Variants in TPTE2 observed in about 807,000 individuals in gnomAD.
TPTE2 encodes transmembrane phosphoinositide 3-phosphatase and tensin homolog 2, also known as phosphatidylinositol 3,4,5-trisphosphate 3-phosphatase TPTE2.
In TPTE2, 53 loss-of-function variants were observed where a neutral mutation model predicts 78.6. The observed-to-expected ratio is 0.67, with a 90% CI of 0.54 to 0.85. The LOEUF (loss-of-function observed/expected upper bound fraction) is 0.85, where lower values mean the gene tolerates loss of function less well. TPTE2 is among the 40% of genes least tolerant of loss of function. The probability of loss-of-function intolerance (pLI) is 0.00; values close to 1 mark genes in which losing one functional copy is unlikely to be tolerated. For synonymous variants in TPTE2, 175 were observed against 206.2 expected, an observed-to-expected ratio of 0.85 and a Z score of 1.30; for missense variants, 461 against 623.0, an observed-to-expected ratio of 0.74 and a Z score of 2.77.
chr13:19,540,391 ACCTCC>A (rs1871407379), upstream of TPTE2, among the ~76,000 whole-genome samples: 1 of 151,218 alleles, frequency 6.6e-6, no homozygotes, highest in African/African-American at 2.4e-5. Context: ...TGCAACCTCA[ACCTCC>A]CAGGTTCAAG....
chr13:19,496,557 C>T (rs1376918100), intron 1 of TPTE2, among the ~76,000 whole-genome samples: 1 of 152,186 alleles, frequency 6.6e-6, no homozygotes, highest in Non-Finnish European at 1.5e-5. Context: ...CAATGAGGTG[C>T]TGTGCTTGTG....
At chr13:19,545,356 C>T in the TPTE2 span, among the ~76,000 whole-genome samples, 8 of 152,298 alleles carry the variant, frequency 5.3e-5, no homozygotes, top group African/African-American at 1.9e-4. Context: ...TGTCCCATCT[C>T]CCACATGTAC....
chr13:19,477,024 T>C (rs1379609808), intron 4 of TPTE2, among the ~76,000 whole-genome samples: 2 of 152,062 alleles, frequency 1.3e-5, no homozygotes, highest in Non-Finnish European at 2.9e-5. Flanking sequence ...TGGAATACTA[T>C]GCAGCCATAA....
the TPTE2 span, among the ~76,000 whole-genome samples, chr13:19,550,828 C>T: frequency 4.6e-5 from 7 of 151,680 alleles, no homozygotes; most frequent in Non-Finnish European, 1.0e-4. Flanking sequence ...CAGAGTTTCA[C>T]TCTGTCGCCC....
chr13:19,529,867 A>T (rs1462649851), intron 1 of TPTE2, among the ~76,000 whole-genome samples: 1 of 152,114 alleles, frequency 6.6e-6, no homozygotes, highest in Non-Finnish European at 1.5e-5. Context: ...CCACTATGAC[A>T]TTTGCTCCAC....
chr13:19,430,988 G>A (rs111661196), intron 16 of TPTE2, among the ~76,000 whole-genome samples: 13 of 151,948 alleles, frequency 8.6e-5, no homozygotes, highest in African/African-American at 2.9e-4. Flanking sequence ...TTAGCCAGGC[G>A]TGGTGGCACA....
At chr13:19,447,164 AAC>A (rs1877895766) in intron 13 of TPTE2, among the ~76,000 whole-genome samples, 2 of 152,300 alleles carry the variant, frequency 1.3e-5, no homozygotes, top group Admixed American at 1.3e-4. Flanking sequence ...AATATGAATG[AAC>A]ACATAAAAAA....
chr13:19,514,621 G>GTGTGTGTGTGTGTGTGTGTGTC (rs1259108886), intron 1 of TPTE2, among the ~76,000 whole-genome samples: 17 of 148,480 alleles, frequency 1.1e-4, no homozygotes, highest in Admixed American at 4.7e-4. Flanking sequence ...GTGTGTGTGT[G>GTGTGTGTGTGTGTGTGTGTGTC]TGTGTGTGTC....
intron 1 of TPTE2, among the ~76,000 whole-genome samples, chr13:19,499,262 T>C (rs546867708): frequency 1.5e-4 from 23 of 152,096 alleles, no homozygotes; most frequent in Admixed American, 1.5e-3. Flanking sequence ...TCAACAACGA[T>C]ACCCAGGAAT....
intron 13 of TPTE2, among the ~76,000 whole-genome samples, chr13:19,445,665 G>C (rs745946761): frequency 5.3e-5 from 8 of 152,234 alleles, no homozygotes; most frequent in Non-Finnish European, 7.3e-5. Flanking sequence ...TATTGGGCTA[G>C]GCATGGTGGC....
At chr13:19,451,811 G>GT in intron 10 of TPTE2, among the ~76,000 whole-genome samples, 1 of 49,940 alleles carries the variant, frequency 2.0e-5, no homozygotes, top group Admixed American at 2.2e-4. Context: ...ACCTATAAGT[G>GT]TGTGTGTGTG....
intron 1 of TPTE2, among the ~76,000 whole-genome samples, chr13:19,498,025 C>T (rs565689317): frequency 5.3e-5 from 8 of 150,846 alleles, no homozygotes; most frequent in Admixed American, 4.0e-4. Flanking sequence ...GGAGCCGATG[C>T]GATCAACTGG....
At position 19,475,562 on chromosome 13, in the gene TPTE2, G is replaced by A. The variant is rs533041552; in HGVS notation, c.230+11C>T. 5.0e-6 allele frequency: 8 copies of A among 1,607,094 alleles called. No homozygotes were observed. The East Asian group carries it at 1.8e-4, about 36-fold the overall frequency. On this transcript the variant is annotated intron_variant, in intron 5 of 19. Coordinates refer to ENST00000400230, the Ensembl canonical transcript of TPTE2. ...ATATTTAATACATGGTGTTTTCTATGTCTCACATACCCAAATGCAAAGGAT... is the reference window on the plus strand; with the variant it reads ...ATATTTAATACATGGTGTTTTCTATATCTCACATACCCAAATGCAAAGGAT...
At chr13:19,489,513 G>A (rs1439176402) in intron 3 of TPTE2, among the ~76,000 whole-genome samples, 7 of 150,008 alleles carry the variant, frequency 4.7e-5, no homozygotes, top group African/African-American at 1.7e-4. Flanking sequence ...ATATATATTA[G>A]AGGATATATA....
intron 1 of TPTE2, among the ~76,000 whole-genome samples, chr13:19,513,030 C>T (rs190329663): frequency 6.6e-6 from 1 of 152,264 alleles, no homozygotes; most frequent in Admixed American, 6.5e-5. Flanking sequence ...AGCAGCAGCG[C>T]TTGTTTTATT....
chr13:19,470,128 AT>A (rs1879513088), intron 6 of TPTE2, among the ~76,000 whole-genome samples: 1 of 151,922 alleles, frequency 6.6e-6, no homozygotes, highest in African/African-American at 2.4e-5. Flanking sequence ...AAAGCTTTTC[AT>A]TTTTTCCCCA....
At chr13:19,524,455 A>G (rs765390239) in intron 1 of TPTE2, among the ~76,000 whole-genome samples, 4 of 152,130 alleles carry the variant, frequency 2.6e-5, no homozygotes, top group Non-Finnish European at 5.9e-5. Flanking sequence ...AATCATCTCA[A>G]TTCCAGTCTC....
At chr13:19,552,902 A>C in the TPTE2 span, among the ~76,000 whole-genome samples, 61 of 139,592 alleles carry the variant, frequency 4.4e-4, no homozygotes, top group Non-Finnish European at 8.0e-4. Flanking sequence ...CAATAATGGC[A>C]AGCTTAACTT....
chr13:19,425,775 G>A (rs1364907739), intron 18 of TPTE2: 1 of 514,552 alleles, frequency 1.9e-6, no homozygotes, highest in Non-Finnish European at 3.9e-6. Context: ...CATCAGTCGA[G>A]CACAGGTCTC....
Sources: allele counts gnomAD v4.1 joint callset (sites outside exome capture counted in the v4.1 genomes callset), GRCh38; gene constraint gnomAD v4.1.1; transcripts MANE v1.5; gene names NCBI Gene and HGNC (gene_info 2026-07-23, HGNC 2026-07-21).